Variants in ITGA4 observed in about 807,000 individuals in gnomAD.
ITGA4 encodes the protein integrin subunit alpha 4, also known as integrin alpha-4.
In ITGA4, 63 loss-of-function variants were observed where a neutral mutation model predicts 133.6. The ratio of observed to expected loss-of-function variants is 0.47; its 90% confidence interval spans 0.38 to 0.58. The LOEUF (loss-of-function observed/expected upper bound fraction) is 0.58, where lower values mean the gene tolerates loss of function less well. Among genes scored for constraint, ITGA4 ranks in the 20% least tolerant of loss-of-function variants. ITGA4 has a pLI of 0.00. For missense variants in ITGA4, 1,076 were observed against 1,252.7 expected (o/e 0.86, Z 2.13); for synonymous variants, 483 against 438.0 (o/e 1.10, Z -1.28).
intron 10 of ITGA4, among the ~76,000 whole-genome samples, chr2:181,490,536 T>C (rs1339096546): frequency 1.3e-5 from 2 of 149,004 alleles, no homozygotes; most frequent in Non-Finnish European, 3.0e-5. Context: ...TCTGTGTGTG[T>C]GAGAGAGAAC....
chr2:181,538,192 G>T lies in ITGA4; in HGVS notation c.*2665G>T, dbSNP rs1559065836. 7.6e-6 allele frequency: 12 copies of T among 1,571,958 alleles called. No individual in the cohort carries two copies. The highest frequency in any genetic ancestry group is 9.6e-6 in the Non-Finnish European group (11 of 1,143,086). On this transcript the variant is annotated 3_prime_UTR_variant, in exon 28 of 28. Transcript: ENST00000397033. The stretch of plus-strand genomic sequence containing the variant: ...TTAGAAACAATTACATGTTACTTTG[G>T]AATCATTTCTTCCATGCTTCCTCCA...
chr2:181,480,409 T>A, intron 6 of ITGA4, 143 bp downstream of exon 6: 1 of 422,068 alleles, frequency 2.4e-6, no homozygotes, highest in Non-Finnish European at 4.2e-6. Context: ...AAACTGTCTC[T>A]TAAGGATAGG....
At chr2:181,469,574 C>T (rs1345905148) in intron 2 of ITGA4, among the ~76,000 whole-genome samples, 1 of 152,024 alleles carries the variant, frequency 6.6e-6, no homozygotes, top group Non-Finnish European at 1.5e-5. Flanking sequence ...GGGTATATAC[C>T]CAAAGGATTA....
Position 181,495,272 on chromosome 2 carries a change from AG to A in ITGA4, c.1340-97del, listed in dbSNP as rs1686134594. 4 of 812,534 alleles carry A rather than the reference AG, an allele frequency of 4.9e-6. No homozygotes were observed. Among genetic ancestry groups the A allele is most frequent in the Non-Finnish European group, 8.6e-6 (4 of 463,820 alleles). 50.3% of individuals were successfully genotyped at this position (812,534 alleles called of 1,614,324 possible). On this transcript the variant is annotated intron_variant, in intron 12 of 27. Coordinates refer to ENST00000397033, the MANE Select transcript of ITGA4 (RefSeq NM_000885.6). This position sits in a 1 kb window ranked among gnomAD's most constrained non-coding sequence, Gnocchi z 4.3. Reference sequence around the variant, plus strand: ...TCTAATTTTCTATAAATAGTGTTTTAGGTAGTCAAAGGTGATACGTAGTTAA... The same window carrying A: ...TCTAATTTTCTATAAATAGTGTTTTAGTAGTCAAAGGTGATACGTAGTTAA...
rs182960057 is a variant in ITGA4 at position 181,477,125 on chromosome 2, T to G, written c.557-1632T>G. Among the ~76,000 whole-genome samples the G allele has an allele frequency of 8.9e-4, 135 of 151,694 alleles. No individual in the cohort carries two copies. In the East Asian group the frequency reaches 0.021, roughly 23 times the overall value. On this transcript the variant is annotated intron_variant, in intron 4 of 27. Coordinates refer to ENST00000397033, the MANE Select transcript of ITGA4 (RefSeq NM_000885.6). ...TGCACATGAACCCTGAACCTGAAAG[T>G]TTTTTTTTAAATGCCTTTGGGAAAA...
chr2:181,522,821 G>A (rs1305550691), intron 18 of ITGA4, among the ~76,000 whole-genome samples: 2 of 152,082 alleles, frequency 1.3e-5, no homozygotes, highest in Non-Finnish European at 2.9e-5. Context: ...ACGAATATCT[G>A]TTACCTTCTT....
At chr2:181,481,011 C>G (rs1685789229) in intron 6 of ITGA4, among the ~76,000 whole-genome samples, 1 of 151,998 alleles carries the variant, frequency 6.6e-6, no homozygotes. Flanking sequence ...ATCTTACACT[C>G]AGAAATAATT....
intron 10 of ITGA4, among the ~76,000 whole-genome samples, chr2:181,490,727 G>A (rs1686035271): frequency 6.6e-6 from 1 of 152,154 alleles, no homozygotes; most frequent in Admixed American, 6.5e-5. Context: ...TTGTGCCTCA[G>A]TTTCCTCATC....
chr2:181,510,041 G>A (rs970297743), intron 16 of ITGA4, among the ~76,000 whole-genome samples: 2 of 151,978 alleles, frequency 1.3e-5, no homozygotes, highest in Non-Finnish European at 2.9e-5. Context: ...ATAAAATGCT[G>A]ATGTTCTATT....
Position 181,523,496 on chromosome 2 carries a change from C to T in ITGA4, c.2133C>T (p.Cys711=). Residue 711 remains cysteine, a synonymous_variant, in exon 19 of 28, where the codon TGC becomes TGT. Transcript: ENST00000397033. The surrounding 1 kb of genome is among the most constrained non-coding windows in gnomAD (Gnocchi z 4.2). Reference sequence around the variant, plus strand: ...ACTCTGGCGTGGTACAACTTGACTGCAGTATTGGCTATATATATGTAGATC... The same window carrying T: ...ACTCTGGCGTGGTACAACTTGACTGTAGTATTGGCTATATATATGTAGATC... ...TDNSGVVQLD[C]SIGYIYVDHL... is the part of the protein sequence containing the mutation. 1.2e-6 allele frequency: 2 copies of T among 1,605,346 alleles called. No homozygotes were observed. Among genetic ancestry groups the T allele is most frequent in the Non-Finnish European group, 1.7e-6 (2 of 1,172,364 alleles).
chr2:181,536,739 T>A lies in ITGA4; in HGVS notation c.*1212T>A, dbSNP rs542103149. The A allele has an allele frequency of 8.0e-6, 2 of 249,830 alleles. No individual in the cohort carries two copies. Among genetic ancestry groups the A allele is most frequent in the Admixed American group, 1.0e-4 (2 of 19,758 alleles). 15.5% of individuals were successfully genotyped at this position (249,830 alleles called of 1,614,324 possible). ...TATGAGGTTCTATTTTAAATGACTT[T>A]CTGGATTTTAAAAAATTTCTTTAAA... On this transcript the variant is annotated 3_prime_UTR_variant, in exon 28 of 28. Transcript: ENST00000397033.
intron 15 of ITGA4, chr2:181,499,019 G>A: frequency 2.9e-6 from 1 of 349,234 alleles, no homozygotes; most frequent in Non-Finnish European, 4.0e-6. Context: ...GAAAACACTT[G>A]CCTTTTCCTT....
intron 11 of ITGA4, among the ~76,000 whole-genome samples, chr2:181,494,454 G>GA (rs1686119552): frequency 6.6e-6 from 1 of 152,174 alleles, no homozygotes; most frequent in Admixed American, 6.5e-5. Context: ...AAAGACTTGA[G>GA]AGGGAGTAAA....
At chr2:181,471,033 CAG>C (rs1405257441) in intron 2 of ITGA4, among the ~76,000 whole-genome samples, 1 of 152,076 alleles carries the variant, frequency 6.6e-6, no homozygotes, top group Non-Finnish European at 1.5e-5. Context: ...ATGGTAAAAA[CAG>C]TGTTAAGAAG....
rs1423876650 is a variant in ITGA4 at position 181,523,932 on chromosome 2, C to T, written c.2170-239C>T. ...TTCTAATTTTGTCTAGACTTGCCTGCGTTCACATTCAGAGACGTCTTTGTC... is the reference window on the plus strand; with the variant it reads ...TTCTAATTTTGTCTAGACTTGCCTGTGTTCACATTCAGAGACGTCTTTGTC... On this transcript the variant is annotated intron_variant, in intron 19 of 27. Coordinates refer to ENST00000397033, the MANE Select transcript of ITGA4 (RefSeq NM_000885.6). The surrounding 1 kb of genome is among the most constrained non-coding windows in gnomAD (Gnocchi z 4.2). Among the ~76,000 whole-genome samples the T allele has an allele frequency of 6.6e-6, 1 of 152,084 alleles. No individual in the cohort carries two copies. Among genetic ancestry groups the T allele is most frequent in the Non-Finnish European group, 1.5e-5 (1 of 68,016 alleles).
rs200732008 is a variant in ITGA4 at position 181,534,349 on chromosome 2, C to T, written c.2862C>T (p.Asn954=). 1.2e-6 allele frequency: 2 copies of T among 1,601,636 alleles called. No individual in the cohort carries two copies. Among genetic ancestry groups the T allele is most frequent in the East Asian group, 2.2e-5 (1 of 44,706 alleles). ...CAAATCCAAGAGTAATTGAACTAAA[C>T]AAGGATGAGAATGTTGCGCATGTAA... ...PEPNPRVIEL[N]KDENVAHVLL... The change falls in exon 26 of 28, where the codon AAC becomes AAT. Residue 954 remains asparagine, a synonymous_variant. Transcript: ENST00000397033.
chr2:181,535,732 A>G lies in ITGA4; in HGVS notation c.*205A>G. The G allele has an allele frequency of 2.1e-6, 1 of 470,798 alleles. No homozygotes were observed. Among genetic ancestry groups the G allele is most frequent in the Non-Finnish European group, 3.6e-6 (1 of 280,764 alleles). The allele number at this position is 470,798 out of a possible 1,614,324, so 29.2% of individuals were successfully genotyped here. ...GAACTGCAAAGGTAATAATACAGCC[A>G]AAGATAATCTCTCAGCTTTTAAATG... On this transcript the variant is annotated 3_prime_UTR_variant, in exon 28 of 28. Transcript: ENST00000397033.
At chr2:181,513,902 G>A (rs879292721) in intron 17 of ITGA4, among the ~76,000 whole-genome samples, 3 of 152,070 alleles carry the variant, frequency 2.0e-5, no homozygotes, top group Non-Finnish European at 4.4e-5. Flanking sequence ...CTGTGCTCAC[G>A]ATTATTGAAA....
intron 14 of ITGA4, 72 bp downstream of exon 14, chr2:181,496,009 G>A (rs1686149538): frequency 6.8e-7 from 1 of 1,479,064 alleles, no homozygotes; most frequent in Non-Finnish European, 9.3e-7. Context: ...CCTGCTTGGA[G>A]CCCTCACCGG....
Sources: gnomAD v4.1 joint callset for allele counts (sites outside exome capture counted in the v4.1 genomes callset) on GRCh38, gnomAD v4.1.1 for gene constraint, Gnocchi (gnomAD v3.1) non-coding constraint, MANE v1.5 for transcripts, NCBI Gene and HGNC (gene_info 2026-07-23, HGNC 2026-07-21) for gene names.